The following LANCL1 variants were observed in gnomAD, a reference collection of about 807,000 sequenced individuals.
The protein encoded by LANCL1 is glutathione S-transferase LANCL1.
A neutral mutation model predicts 50.6 loss-of-function variants in LANCL1; 50 were observed. The observed-to-expected ratio is 0.99, with a 90% confidence interval of 0.79 to 1.25. The LOEUF (loss-of-function observed/expected upper bound fraction) is 1.25. Ranked by LOEUF, LANCL1 falls within the 50% of genes most tolerant of loss-of-function variation. The pLI, the probability that LANCL1 is intolerant of heterozygous loss-of-function variation, is 0.00. For missense variants in LANCL1, 532 were observed against 480.7 expected (o/e 1.11, Z -1.00); for synonymous variants, 188 against 178.6 (o/e 1.05, Z -0.42).
intron 3 of LANCL1, among the ~76,000 whole-genome samples, chr2:210,467,597 CTATT>C (rs1355505262): frequency 5.3e-5 from 8 of 152,108 alleles, no homozygotes; most frequent in African/African-American, 1.9e-4. Flanking sequence ...TGTTAATCAA[CTATT>C]TATGTTATCA....
chr2:210,436,257 T>G lies in LANCL1; in HGVS notation c.1009A>C (p.Asn337His), dbSNP rs988072141. ...GNAYAFLTLY[N>H]LTQDMKYLYR... ...AGGTACTTCATGTCCTGTGTGAGGT[T>G]GTAGAGTGTCAGGAAGGCATAGGCA... Residue 337 changes from asparagine (N) to histidine (H), a missense_variant, in exon 8 of 10, where the codon AAC (asparagine) becomes CAC (histidine). By Grantham distance (68) the Asn-to-His change is moderately conservative. Coordinates refer to ENST00000450366, the MANE Select transcript of LANCL1 (RefSeq NM_006055.3). 6.2e-7 allele frequency: 1 copy of G among 1,613,930 alleles called. No individual in the cohort carries two copies. The highest frequency in any genetic ancestry group is 8.5e-7 in the Non-Finnish European group (1 of 1,179,960).
chr2:210,473,646 TAAC>T (rs963819468), intron 2 of LANCL1, among the ~76,000 whole-genome samples: 10 of 152,094 alleles, frequency 6.6e-5, no homozygotes, highest in African/African-American at 9.7e-5. Context: ...GTATCAGAAT[TAAC>T]AACAACAACA....
chr2:210,437,893 A>G (rs1196474828), intron 6 of LANCL1, 21 bp from the exon 7 acceptor site: 1 of 1,563,310 alleles, frequency 6.4e-7, no homozygotes, highest in Non-Finnish European at 8.7e-7. Context: ...GAAGGAAATT[A>G]TTAGTTCTGC....
chr2:210,457,430 C>T (rs1027449464), intron 3 of LANCL1, among the ~76,000 whole-genome samples: 1 of 152,030 alleles, frequency 6.6e-6, no homozygotes. Context: ...ATGCATACAC[C>T]ACCACCTTTG....
At chr2:210,475,155 G>A (rs919371389) in intron 2 of LANCL1, among the ~76,000 whole-genome samples, 3 of 151,994 alleles carry the variant, frequency 2.0e-5, no homozygotes, top group Admixed American at 2.0e-4. Flanking sequence ...TGTGACAAGT[G>A]TTTTAAGGAA....
chr2:210,469,540 C>G (rs533853111), intron 3 of LANCL1, among the ~76,000 whole-genome samples: 5 of 152,262 alleles, frequency 3.3e-5, no homozygotes, highest in Admixed American at 6.5e-5. Flanking sequence ...AAACAACCAG[C>G]TGCTAAGGAC....
At chr2:210,469,530 A>G (rs1457229461) in intron 3 of LANCL1, among the ~76,000 whole-genome samples, 1 of 152,186 alleles carries the variant, frequency 6.6e-6, no homozygotes, top group Non-Finnish European at 1.5e-5. Flanking sequence ...TTACATCTTA[A>G]AACAACCAGC....
chr2:210,437,646 T>G, intron 7 of LANCL1, 44 bp downstream of exon 7: 2 of 1,225,252 alleles, frequency 1.6e-6, no homozygotes, highest in Non-Finnish European at 2.2e-6. Flanking sequence ...AATTATAAAT[T>G]TTTGGTTATT....
In LANCL1 at chr2:210,431,299, C is replaced by G. The variant is rs1201243125; in HGVS notation, c.*3188G>C. ...GAGAACTAGTAAGTCAAATACTTTA[C>G]AGAACATAGAAATACATATGATCCC... is the stretch of plus-strand genomic sequence containing the variant. On this transcript the variant is annotated 3_prime_UTR_variant, in exon 10 of 10. Transcript: ENST00000450366. The G allele has an allele frequency of 6.6e-6, 1 of 152,172 alleles. No individual in the cohort carries two copies. 9.4% of individuals were successfully genotyped at this position (152,172 alleles called of 1,614,324 possible). A position where few individuals can be genotyped will look rare whatever the true frequency, so the allele number is the denominator to read the frequency against.
chr2:210,476,686 C>T lies in LANCL1; in HGVS notation c.-83G>A. 8.3e-7 allele frequency: 1 copy of T among 1,207,456 alleles called. No individual in the cohort carries two copies. Among genetic ancestry groups the T allele is most frequent in the Non-Finnish European group, 1.0e-6 (1 of 967,720 alleles). 74.8% of individuals were successfully genotyped at this position (1,207,456 alleles called of 1,614,324 possible). ...CGCGACTTGAAGCAAGTGCGCCTCC[C>T]GCGTCCTGAAGCCCTTCTCGGCCCT... On this transcript the variant is annotated 5_prime_UTR_variant, in exon 1 of 10. Transcript: ENST00000450366.
intron 4 of LANCL1, among the ~76,000 whole-genome samples, chr2:210,449,840 C>G (rs6727182): frequency 0.67 from 100,890 of 151,512 alleles, 34,215 homozygotes; most frequent in East Asian, 0.82. Flanking sequence ...AAGAAAATAA[C>G]AGAGGACACA....
chr2:210,455,032 T>C, intron 4 of LANCL1, 75 bp downstream of exon 4: 1 of 1,225,360 alleles, frequency 8.2e-7, no homozygotes, highest in Non-Finnish European at 1.2e-6. Context: ...CTCACTAGAA[T>C]GTTCTTTTGT....
intron 7 of LANCL1, 39 bp downstream of exon 7, chr2:210,437,651 G>T (rs928130326): frequency 7.6e-6 from 10 of 1,313,956 alleles, no homozygotes; most frequent in Admixed American, 5.4e-5. Context: ...TAAATTTTTG[G>T]TTATTTAAAA....
chr2:210,436,060 C>G (rs1692920072), intron 8 of LANCL1, among the ~76,000 whole-genome samples, 156 bp downstream of exon 8: 1 of 151,938 alleles, frequency 6.6e-6, no homozygotes, highest in African/African-American at 2.4e-5. Context: ...TGCCACCACA[C>G]CTGGCTAATT....
intron 3 of LANCL1, among the ~76,000 whole-genome samples, chr2:210,470,596 T>C (rs937624126): frequency 6.6e-6 from 1 of 152,154 alleles, no homozygotes; most frequent in Non-Finnish European, 1.5e-5. Flanking sequence ...TCCCTTTGAG[T>C]GTCACATCAG....
chr2:210,459,737 A>AAACAAAC, intron 3 of LANCL1, among the ~76,000 whole-genome samples: 1 of 150,396 alleles, frequency 6.6e-6, no homozygotes, highest in East Asian at 2.0e-4. Context: ...ATAACTATTA[A>AAACAAAC]AAACAAACAA....
chr2:210,461,968 T>C (rs1693877659), intron 3 of LANCL1, among the ~76,000 whole-genome samples: 1 of 152,224 alleles, frequency 6.6e-6, no homozygotes, highest in Non-Finnish European at 1.5e-5. Context: ...CAAGAACACC[T>C]TATCTGCTCA....
intron 3 of LANCL1, among the ~76,000 whole-genome samples, chr2:210,461,740 C>T (rs986659389): frequency 4.1e-5 from 5 of 121,864 alleles, no homozygotes; most frequent in Non-Finnish European, 8.7e-5. Flanking sequence ...CCCTAGAGTC[C>T]TGTATGTATT....
At chr2:210,465,183 T>A (rs1694010833) in intron 3 of LANCL1, among the ~76,000 whole-genome samples, 1 of 152,244 alleles carries the variant, frequency 6.6e-6, no homozygotes, top group South Asian at 2.1e-4. Flanking sequence ...GTGAATTATC[T>A]CTGCTTGAGA....
Sources: allele counts gnomAD v4.1 joint callset (sites outside exome capture counted in the v4.1 genomes callset), GRCh38; gene constraint gnomAD v4.1.1; transcripts MANE v1.5; gene names NCBI Gene and HGNC (gene_info 2026-07-23, HGNC 2026-07-21).